Variants in ARHGAP31 observed in about 807,000 individuals in gnomAD.
ARHGAP31 encodes the protein rho GTPase-activating protein 31.
Under a neutral mutation model 113.9 loss-of-function variants are expected in ARHGAP31, and 34 were observed. The observed-to-expected ratio is 0.30, with a 90% CI of 0.23 to 0.40. The LOEUF is 0.40. Ranked by LOEUF, ARHGAP31 falls within the 10% of genes least tolerant of loss-of-function variation. The pLI is 1.00. For missense variants in ARHGAP31, 1,548 were observed against 1,767.1 expected (o/e 0.88, Z 2.22); for synonymous variants, 650 against 684.8 (o/e 0.95, Z 0.79).
intron 1 of ARHGAP31, among the ~76,000 whole-genome samples, chr3:119,317,928 T>C (rs1227475336): frequency 6.6e-6 from 1 of 152,098 alleles, no homozygotes; most frequent in Non-Finnish European, 1.5e-5. Flanking sequence ...GTTGAAGTAG[T>C]GAATAGGAAA....
At chr3:119,348,445 T>G (rs1213152064) in intron 1 of ARHGAP31, among the ~76,000 whole-genome samples, 1 of 152,082 alleles carries the variant, frequency 6.6e-6, no homozygotes, top group Non-Finnish European at 1.5e-5. Flanking sequence ...TATAAGGAGG[T>G]GCCCACATAT....
At chr3:119,410,989 C>G (rs1192851161) in intron 11 of ARHGAP31, among the ~76,000 whole-genome samples, 1 of 152,146 alleles carries the variant, frequency 6.6e-6, no homozygotes, top group Admixed American at 6.5e-5. Flanking sequence ...CATATTCAGG[C>G]AGATAACTTA....
rs1334479106 is a variant in ARHGAP31 at position 119,414,899 on chromosome 3, G to C, written c.2970G>C (p.Gln990His). 6.2e-7 allele frequency: 1 copy of C among 1,614,196 alleles called. No individual in the cohort carries two copies. Among genetic ancestry groups the C allele is most frequent in the Non-Finnish European group, 8.5e-7 (1 of 1,180,022 alleles). Residue 990 changes from glutamine (Q) to histidine (H), a missense_variant, in exon 12 of 12, where the codon CAG becomes CAC. Physicochemically the swap from Gln to His is conservative, Grantham distance 24. Coordinates refer to ENST00000264245, the MANE Select transcript of ARHGAP31 (RefSeq NM_020754.4). The part of the protein sequence containing the change: ...TERNSDPLQP[Q>H]APRREITGWD... ...GGAATTCTGACCCTCTTCAGCCCCA[G>C]GCACCCAGGAGAGAGATTACTGGAT...
At chr3:119,402,825 A>G (rs769541738) in intron 10 of ARHGAP31, among the ~76,000 whole-genome samples, 9 of 152,196 alleles carry the variant, frequency 5.9e-5, no homozygotes, top group Non-Finnish European at 1.2e-4. Context: ...CAGTTCTTCC[A>G]GTCTCCTTCT....
At chr3:119,399,521 CT>C (rs1418711055) in intron 9 of ARHGAP31, among the ~76,000 whole-genome samples, 1 of 152,240 alleles carries the variant, frequency 6.6e-6, no homozygotes, top group East Asian at 1.9e-4. Context: ...TCCATGGCTA[CT>C]TTTCATTCAA....
In ARHGAP31 at chr3:119,414,541, T is replaced by A; in HGVS notation, c.2612T>A (p.Val871Asp). 6.2e-7 allele frequency: 1 copy of A among 1,614,162 alleles called. No individual in the cohort carries two copies. The highest frequency in any genetic ancestry group is 8.5e-7 in the Non-Finnish European group (1 of 1,180,032). The change falls in exon 12 of 12, where the codon GTC becomes GAC. Residue 871 changes from valine (V) to aspartate (D), a missense_variant. Coordinates refer to ENST00000264245, the MANE Select transcript of ARHGAP31 (RefSeq NM_020754.4). ...AGCCCAACCAGGGAGGTTGAGATCGTCTCACAAGAAGAGGAGGATGTAACC... is the reference window on the plus strand; with the variant it reads ...AGCCCAACCAGGGAGGTTGAGATCGACTCACAAGAAGAGGAGGATGTAACC... Reference protein sequence around the residue: ...FPSPTREVEIVSQEEEDVTHS... With the variant: ...FPSPTREVEIDSQEEEDVTHS...
At chr3:119,365,537 C>T (rs1003428798) in intron 2 of ARHGAP31, 119 bp downstream of exon 2, 6 of 874,950 alleles carry the variant, frequency 6.9e-6, no homozygotes, top group Non-Finnish European at 9.3e-6. Flanking sequence ...TGTGGCAGCA[C>T]CGAAGATCAG....
intron 1 of ARHGAP31, among the ~76,000 whole-genome samples, chr3:119,327,319 G>C (rs1449492395): frequency 6.6e-6 from 1 of 151,902 alleles, no homozygotes; most frequent in Non-Finnish European, 1.5e-5. Flanking sequence ...GAGGTGGGCG[G>C]ATCACCTGAG....
chr3:119,415,317 C>T lies in ARHGAP31; in HGVS notation c.3388C>T (p.Pro1130Ser). 1 of 1,614,166 alleles carries T rather than the reference C, an allele frequency of 6.2e-7. No individual in the cohort carries two copies. The highest frequency in any genetic ancestry group is 1.1e-5 in the South Asian group (1 of 91,082). Reference sequence around the variant, plus strand: ...TGAGAATGTGGCCTCATTTAGTTCACCTGGAATGCAGGTCTCTGAGCCAGG... The same window carrying T: ...TGAGAATGTGGCCTCATTTAGTTCATCTGGAATGCAGGTCTCTGAGCCAGG... ...WFENVASFSS[P>S]GMQVSEPGDP... Residue 1130 changes from proline to serine, a missense_variant, in exon 12 of 12, where the codon CCT becomes TCT. Transcript: ENST00000264245.
chr3:119,355,438 G>A (rs1039424501), intron 1 of ARHGAP31, among the ~76,000 whole-genome samples: 13 of 149,716 alleles, frequency 8.7e-5, no homozygotes, highest in African/African-American at 2.9e-4. Context: ...CCAAGCTCCT[G>A]TTCAGGAAAA....
At chr3:119,313,430 T>C (rs1036941836) in intron 1 of ARHGAP31, among the ~76,000 whole-genome samples, 4 of 152,272 alleles carry the variant, frequency 2.6e-5, no homozygotes, top group African/African-American at 9.6e-5. Context: ...ATCTATTGAA[T>C]ATATGAGCCA....
Position 119,294,927 on chromosome 3 carries a change from A to G in ARHGAP31, c.23A>G (p.Gln8Arg). MKNKGAK[Q>R]KLKRKGAASA... ...CTCATGAAGAACAAGGGTGCTAAGC[A>G]GAAGCTGAAACGAAAGGGAGCCGCC... Residue 8 changes from glutamine (Q) to arginine (R), a missense_variant, in exon 1 of 12, where the codon CAG (glutamine) becomes CGG (arginine). Gln to Arg is a conservative substitution (Grantham distance 43). Transcript: ENST00000264245. 1 of 1,614,118 alleles carries G rather than the reference A, an allele frequency of 6.2e-7. No individual in the cohort carries two copies. The highest frequency in any genetic ancestry group is 8.5e-7 in the Non-Finnish European group (1 of 1,180,012).
intron 6 of ARHGAP31, among the ~76,000 whole-genome samples, chr3:119,385,347 A>G (rs558064330): frequency 5.7e-4 from 86 of 151,950 alleles, no homozygotes; most frequent in Middle Eastern, 3.4e-3. Context: ...CCACATTTTT[A>G]TCCATTCCTT....
chr3:119,416,017 C>T lies in ARHGAP31; in HGVS notation c.4088C>T (p.Ser1363Leu), dbSNP rs369678396. ...CCCATTATGGACCACCTGCCCCCTTCATCCACAGTGACAGATTCCAAGGTC... is the reference window on the plus strand; with the variant it reads ...CCCATTATGGACCACCTGCCCCCTTTATCCACAGTGACAGATTCCAAGGTC... Reference protein sequence around the residue: ...PFPIMDHLPPSSTVTDSKVLL... With the variant: ...PFPIMDHLPPLSTVTDSKVLL... The change falls in exon 12 of 12, where the codon TCA becomes TTA. Residue 1363 changes from serine to leucine, a missense_variant. Physicochemically the swap from Ser to Leu is moderately radical, Grantham distance 145. Coordinates refer to ENST00000264245, the MANE Select transcript of ARHGAP31 (RefSeq NM_020754.4). The T allele has an allele frequency of 6.2e-6, 10 of 1,614,090 alleles. No homozygotes were observed. The African/African-American group carries it at 1.3e-4, about 22-fold the overall frequency.
chr3:119,374,503 C>T (rs1018819076), intron 3 of ARHGAP31, among the ~76,000 whole-genome samples: 3 of 152,088 alleles, frequency 2.0e-5, no homozygotes, highest in African/African-American at 7.2e-5. Flanking sequence ...TGGCTCTGTC[C>T]CCACCCAAAC....
intron 1 of ARHGAP31, among the ~76,000 whole-genome samples, chr3:119,318,945 T>A (rs1364506510): frequency 1.3e-5 from 2 of 151,984 alleles, no homozygotes; most frequent in East Asian, 3.9e-4. Flanking sequence ...TACATACAGG[T>A]CAGATTGCTC....
At chr3:119,358,841 G>A (rs1423305067) in intron 1 of ARHGAP31, among the ~76,000 whole-genome samples, 1 of 152,128 alleles carries the variant, frequency 6.6e-6, no homozygotes, top group Non-Finnish European at 1.5e-5. Context: ...GCTGGGAGAA[G>A]GGGAAATGGG....
chr3:119,348,099 G>C (rs957021573), intron 1 of ARHGAP31, among the ~76,000 whole-genome samples: 1 of 152,180 alleles, frequency 6.6e-6, no homozygotes, highest in Non-Finnish European at 1.5e-5. Flanking sequence ...TCCACCTCCT[G>C]TCAGATCAGT....
intron 5 of ARHGAP31, 57 bp downstream of exon 5, chr3:119,382,456 T>A: frequency 6.6e-7 from 1 of 1,505,632 alleles, no homozygotes; most frequent in Admixed American, 1.8e-5. Context: ...CAGCCCCCGA[T>A]TGAAATGAAG....
Sources: gnomAD v4.1 joint callset for allele counts (sites outside exome capture counted in the v4.1 genomes callset) on GRCh38, gnomAD v4.1.1 for gene constraint, MANE v1.5 for transcripts, NCBI Gene and HGNC (gene_info 2026-07-23, HGNC 2026-07-21) for gene names.